The following DNAH10 variants were observed in gnomAD, a reference collection of about 807,000 sequenced individuals.
DNAH10 encodes the protein dynein axonemal heavy chain 10.
DNAH10 carries 348 observed loss-of-function variants against 506.6 expected under a neutral mutation model. The observed-to-expected ratio is 0.69, with a 90% CI of 0.63 to 0.75. The LOEUF is 0.75. Ranked by LOEUF, DNAH10 falls within the 30% of genes least tolerant of loss-of-function variation. DNAH10 has a pLI of 0.00. For missense variants in DNAH10, 5,179 were observed against 5,787.1 expected (o/e 0.89, Z 3.41); for synonymous variants, 2,059 against 2,198.6 (o/e 0.94, Z 1.78).
intron 54 of DNAH10, among the ~76,000 whole-genome samples, chr12:123,896,938 T>C (rs1953276991): frequency 6.6e-6 from 1 of 152,234 alleles, no homozygotes; most frequent in Admixed American, 6.5e-5. Flanking sequence ...CCAACACCAC[T>C]GTCTGTTGCC....
chr12:123,896,148 C>CACACACACATAGAGAG, intron 54 of DNAH10, among the ~76,000 whole-genome samples: 1 of 95,272 alleles, frequency 1.0e-5, no homozygotes, highest in Non-Finnish European at 1.9e-5. Context: ...CACACACACA[C>CACACACACATAGAGAG]AGAGAGAGAG....
chr12:123,838,737 G>T (rs767769334), intron 29 of DNAH10, 48 bp downstream of exon 29: 1 of 1,534,120 alleles, frequency 6.5e-7, no homozygotes, highest in Non-Finnish European at 9.0e-7. Flanking sequence ...CCTTAGAACC[G>T]CCTTCGGTCC....
At chr12:123,781,864 C>T (rs757194150) in intron 6 of DNAH10, among the ~76,000 whole-genome samples, 1 of 152,162 alleles carries the variant, frequency 6.6e-6, no homozygotes, top group Non-Finnish European at 1.5e-5. Flanking sequence ...CTCCCCTCCC[C>T]CTTTACGTAA....
At chr12:123,870,227 A>T in intron 43 of DNAH10, 139 bp from the exon 44 acceptor site, 1 of 1,106,490 alleles carries the variant, frequency 9.0e-7, no homozygotes, top group African/African-American at 1.6e-5. Context: ...GTATCTGTCC[A>T]GTGAAGGAGC....
intron 69 of DNAH10, chr12:123,927,916 C>A: frequency 5.9e-6 from 1 of 168,754 alleles, no homozygotes; most frequent in Non-Finnish European, 1.3e-5. Context: ...TTTCAGAAAG[C>A]AAGGCTTGAT....
chr12:123,916,389 C>A lies in DNAH10; in HGVS notation c.10723-68C>A. On this transcript the variant is annotated intron_variant, in intron 62 of 78. Coordinates refer to ENST00000673944, the MANE Select transcript of DNAH10 (RefSeq NM_001372106.1). The surrounding 1 kb of genome is among the most constrained non-coding windows in gnomAD (Gnocchi z 4.6). ...ATCCACTTCCCACTTCCAAGCCATTCTCCCCTTATATTTGGCAGGGCCACA... is the reference window on the plus strand; with the variant it reads ...ATCCACTTCCCACTTCCAAGCCATTATCCCCTTATATTTGGCAGGGCCACA... 1 of 1,541,716 alleles carries A rather than the reference C, an allele frequency of 6.5e-7. No homozygotes were observed. The highest frequency in any genetic ancestry group is 8.7e-7 in the Non-Finnish European group (1 of 1,147,760).
At position 123,929,586 on chromosome 12, in the gene DNAH10, C is replaced by T; in HGVS notation, c.12517-78C>T. 7 of 1,570,088 alleles carry T rather than the reference C, an allele frequency of 4.5e-6. No homozygotes were observed. In the South Asian group the frequency reaches 8.1e-5, roughly 18 times the overall value. ...CACAGCAGGGTTGCACCGTTCCCAG[C>T]AGCCTTTTCAGAAAAGTATCAGAAT... On this transcript the variant is annotated intron_variant, in intron 71 of 78. Transcript: ENST00000673944.
intron 9 of DNAH10, among the ~76,000 whole-genome samples, chr12:123,786,515 G>A (rs533901265): frequency 6.6e-6 from 1 of 151,846 alleles, no homozygotes; most frequent in South Asian, 2.1e-4. Flanking sequence ...CATATAAATG[G>A]AATCAGACAC....
At chr12:123,932,986 A>AT (rs1253383545) in intron 76 of DNAH10, among the ~76,000 whole-genome samples, 2 of 152,152 alleles carry the variant, frequency 1.3e-5, no homozygotes, top group African/African-American at 2.4e-5. Context: ...TGCTTACGGT[A>AT]TTTTTTCCAC....
chr12:123,856,920 G>A (rs1177846659), intron 36 of DNAH10, 136 bp from the exon 37 acceptor site: 2 of 478,276 alleles, frequency 4.2e-6, no homozygotes, highest in South Asian at 1.1e-4. Context: ...GTATAAAATT[G>A]TTAAAAATAA....
Position 123,926,416 on chromosome 12 carries a change from G to A in DNAH10, c.11922-221G>A. On this transcript the variant is annotated intron_variant, in intron 68 of 78. Coordinates refer to ENST00000673944, the MANE Select transcript of DNAH10 (RefSeq NM_001372106.1). This position sits in a 1 kb window ranked among gnomAD's most constrained non-coding sequence, Gnocchi z 4.1. ...AGCACAAACCAACTGAATCGAGTGT[G>A]AGGGGGTACAGAGAAGTCCCTGCCA... is the stretch of plus-strand genomic sequence containing the variant. 1.9e-6 allele frequency: 1 copy of A among 528,592 alleles called. No homozygotes were observed. Among genetic ancestry groups the A allele is most frequent in the African/African-American group, 1.9e-5 (1 of 51,424 alleles). The allele number at this position is 528,592 out of a possible 1,614,324, so 32.7% of individuals were successfully genotyped here. A position where few individuals can be genotyped will look rare whatever the true frequency, so the allele number is the denominator to read the frequency against.
Position 123,853,519 on chromosome 12 carries a change from C to T in DNAH10, c.6438+167C>T, listed in dbSNP as rs891449798. On this transcript the variant is annotated intron_variant, in intron 36 of 78. Coordinates refer to ENST00000673944, the MANE Select transcript of DNAH10 (RefSeq NM_001372106.1). The surrounding 1 kb of genome is among the most constrained non-coding windows in gnomAD (Gnocchi z 4.7). ...TACTTTGGCCTCTTACCTGTTGTAT[C>T]GTTTGCTTGTAATTACACTTAGTAC... 6.6e-6 allele frequency among the ~76,000 whole-genome samples: 1 copy of T among 152,132 alleles called. No homozygotes were observed. The highest frequency in any genetic ancestry group is 2.4e-5 in the African/African-American group (1 of 41,414).
chr12:123,898,861 C>T lies in DNAH10; in HGVS notation c.9640+47C>T, dbSNP rs760559886. 5.2e-6 allele frequency: 8 copies of T among 1,544,942 alleles called. No individual in the cohort carries two copies. In the Admixed American group the frequency reaches 1.3e-4, roughly 26 times the overall value. On this transcript the variant is annotated intron_variant, in intron 56 of 78. Transcript: ENST00000673944. ...GCAGCCCATCCCCAACACCCAATAC[C>T]CACCGTAGGTGAGTGAGGGCGGGGC...
At chr12:123,912,604 C>T (rs1165066909) in intron 59 of DNAH10, among the ~76,000 whole-genome samples, 2 of 152,104 alleles carry the variant, frequency 1.3e-5, no homozygotes, top group Non-Finnish European at 2.9e-5. Flanking sequence ...TGTCTCCAGA[C>T]AGTACCAAAC....
At chr12:123,777,531 T>G (rs11835252) in intron 5 of DNAH10, among the ~76,000 whole-genome samples, 1 of 151,842 alleles carries the variant, frequency 6.6e-6, no homozygotes, top group East Asian at 1.9e-4. Flanking sequence ...CTGAGCTGCC[T>G]GCACACAAGG....
chr12:123,925,223 T>G lies in DNAH10; in HGVS notation c.11921+19T>G. 6.2e-7 allele frequency: 1 copy of G among 1,613,478 alleles called. No homozygotes were observed. Among genetic ancestry groups the G allele is most frequent in the South Asian group, 1.1e-5 (1 of 91,084 alleles). On this transcript the variant is annotated intron_variant, in intron 68 of 78. Coordinates refer to ENST00000673944, the MANE Select transcript of DNAH10 (RefSeq NM_001372106.1). The surrounding 1 kb of genome is among the most constrained non-coding windows in gnomAD (Gnocchi z 4.0). ...GAGAGAAGTAAGTGTGTCGTTTTGT[T>G]GATTTGCCACTTTCCGTGGGGTGGA... is the stretch of plus-strand genomic sequence containing the variant.
At chr12:123,822,402 AG>A (rs1246531214) in intron 24 of DNAH10, among the ~76,000 whole-genome samples, 1 of 152,112 alleles carries the variant, frequency 6.6e-6, no homozygotes, top group Non-Finnish European at 1.5e-5. Flanking sequence ...TGAGTCCCCA[AG>A]GGAGACTGAC....
Position 123,917,942 on chromosome 12 carries a change from T to C in DNAH10, c.11232+129T>C, listed in dbSNP as rs74794576. On this transcript the variant is annotated intron_variant, in intron 64 of 78. Coordinates refer to ENST00000673944, the MANE Select transcript of DNAH10 (RefSeq NM_001372106.1). The surrounding 1 kb of genome is among the most constrained non-coding windows in gnomAD (Gnocchi z 5.6). ...CTCAGGGCTAAAAACCCACCTCTAT[T>C]GGGATGTGCTGTGGGGAGGGGAGCC... 1.8e-4 allele frequency: 176 copies of C among 987,526 alleles called. 1 individual carries two copies. The African/African-American group carries it at 2.4e-3, about 13-fold the overall frequency. 61.2% of individuals were successfully genotyped at this position (987,526 alleles called of 1,614,324 possible).
chr12:123,898,103 C>T, intron 55 of DNAH10, 136 bp downstream of exon 55: 1 of 844,340 alleles, frequency 1.2e-6, no homozygotes, highest in Non-Finnish European at 1.7e-6. Context: ...GATTTTGTGT[C>T]TTGGAGCGAT....
Sources: allele counts gnomAD v4.1 joint callset (sites outside exome capture counted in the v4.1 genomes callset), GRCh38; gene constraint gnomAD v4.1.1; non-coding constraint Gnocchi (gnomAD v3.1); transcripts MANE v1.5; gene names NCBI Gene and HGNC (gene_info 2026-07-23, HGNC 2026-07-21).